SHQ1: variants seen among roughly 807,000 people sequenced by gnomAD.
SHQ1 encodes the protein protein SHQ1 homolog.
In SHQ1, 49 loss-of-function variants were observed where a neutral mutation model predicts 53.8. The ratio of observed to expected loss-of-function variants is 0.91; its 90% CI spans 0.72 to 1.16. The LOEUF (loss-of-function observed/expected upper bound fraction) is 1.16, where lower values mean the gene tolerates loss of function less well. Among genes scored for constraint, SHQ1 ranks in the 50% most tolerant of loss-of-function variants. The pLI, the probability that SHQ1 is intolerant of heterozygous loss-of-function variation, is 0.00. For missense variants in SHQ1, 738 were observed against 683.1 expected, an observed-to-expected ratio of 1.08 and a Z score of -0.90; for synonymous variants, 243 against 251.0, an observed-to-expected ratio of 0.97 and a Z score of 0.30.
intron 10 of SHQ1, chr3:72,773,403 C>A: frequency 2.2e-6 from 1 of 449,190 alleles, no homozygotes; most frequent in African/African-American, 2.1e-5. Flanking sequence ...CTCACAGTAG[C>A]AGTGGTGGTA....
chr3:72,753,246 G>A, intron 10 of SHQ1: 3 of 985,376 alleles, frequency 3.0e-6, no homozygotes, highest in Non-Finnish European at 3.6e-6. Context: ...AACATTGAGT[G>A]GCTTTGAGAC....
intron 6 of SHQ1, among the ~76,000 whole-genome samples, chr3:72,818,201 T>G (rs1707375658): frequency 6.6e-6 from 1 of 152,038 alleles, no homozygotes; most frequent in East Asian, 1.9e-4. Flanking sequence ...CAACAATACC[T>G]CTGGCAAATC....
intron 4 of SHQ1, among the ~76,000 whole-genome samples, chr3:72,840,239 T>A: frequency 1.0e-5 from 1 of 98,004 alleles, no homozygotes. Context: ...TGAGACTCTG[T>A]CTTAAAAAAA....
intron 9 of SHQ1, among the ~76,000 whole-genome samples, chr3:72,801,289 T>C (rs566987289): frequency 1.3e-5 from 2 of 152,296 alleles, no homozygotes; most frequent in Non-Finnish European, 2.9e-5. Context: ...ATTTTGTGGG[T>C]AAAATTTTTA....
chr3:72,745,715 T>C (rs146576744), downstream of SHQ1, among the ~76,000 whole-genome samples: 1,112 of 152,244 alleles, frequency 7.3e-3, 8 homozygotes, highest in African/African-American at 0.024. Flanking sequence ...GTTTAACACT[T>C]TCCAGTTTAT....
chr3:72,742,619 C>CTTTTTTTTTTTTTTTTTT, the SHQ1 span, among the ~76,000 whole-genome samples: 7 of 128,610 alleles, frequency 5.4e-5, no homozygotes, highest in African/African-American at 1.5e-4. Flanking sequence ...TTCTTTTTTT[C>CTTTTTTTTTTTTTTTTTT]TTTTTTTTTT....
chr3:72,778,006 A>C (rs1213520003), intron 10 of SHQ1, among the ~76,000 whole-genome samples: 3 of 152,228 alleles, frequency 2.0e-5, no homozygotes, highest in Non-Finnish European at 2.9e-5. Flanking sequence ...CAAAGCTAAA[A>C]ACTAAACTTG....
chr3:72,828,705 G>C (rs983387433), intron 5 of SHQ1, among the ~76,000 whole-genome samples: 7 of 152,024 alleles, frequency 4.6e-5, no homozygotes, highest in Non-Finnish European at 1.0e-4. Flanking sequence ...AAAAAAAAGA[G>C]AGAGAAAAGC....
chr3:72,824,590 T>C, intron 5 of SHQ1, 39 bp from the exon 6 acceptor site: 1 of 1,573,296 alleles, frequency 6.4e-7, no homozygotes, highest in Non-Finnish European at 8.6e-7. Flanking sequence ...ATACAGGATT[T>C]CACTGGCTTT....
At chr3:72,737,606 C>G in the SHQ1 span, among the ~76,000 whole-genome samples, 1 of 152,192 alleles carries the variant, frequency 6.6e-6, no homozygotes, top group Non-Finnish European at 1.5e-5. Context: ...TGCATATAAC[C>G]TATGTGCATC....
the SHQ1 span, among the ~76,000 whole-genome samples, chr3:72,728,880 C>G: frequency 1.3e-5 from 2 of 152,204 alleles, no homozygotes; most frequent in African/African-American, 4.8e-5. Context: ...GAAGCAGAAG[C>G]CTCTGAGGCT....
At chr3:72,760,221 TC>T (rs1253685234) in intron 10 of SHQ1, among the ~76,000 whole-genome samples, 2 of 152,154 alleles carry the variant, frequency 1.3e-5, no homozygotes, top group Non-Finnish European at 2.9e-5. Flanking sequence ...ATATCAATGA[TC>T]AACAGTAAGT....
intron 5 of SHQ1, among the ~76,000 whole-genome samples, chr3:72,828,236 T>A (rs1293069040): frequency 6.6e-6 from 1 of 151,820 alleles, no homozygotes; most frequent in Non-Finnish European, 1.5e-5. Flanking sequence ...CAAGACAAAC[T>A]GTAACAGGGG....
At chr3:72,842,188 T>G in intron 3 of SHQ1, 92 bp downstream of exon 3, 1 of 1,410,788 alleles carries the variant, frequency 7.1e-7, no homozygotes, top group South Asian at 1.3e-5. Flanking sequence ...TTCTTCAATT[T>G]CCTATTCACT....
At chr3:72,815,098 G>GC (rs1707269280) in intron 8 of SHQ1, among the ~76,000 whole-genome samples, 1 of 151,760 alleles carries the variant, frequency 6.6e-6, no homozygotes, top group Non-Finnish European at 1.5e-5. Flanking sequence ...CTCTCACTCT[G>GC]CCCCCACATT....
At chr3:72,843,572 C>T (rs560943515) in intron 2 of SHQ1, among the ~76,000 whole-genome samples, 40 of 152,296 alleles carry the variant, frequency 2.6e-4, no homozygotes, top group Admixed American at 9.2e-4. Context: ...CAAATATCTC[C>T]GCATACACAA....
chr3:72,769,866 G>A (rs1263654441), intron 10 of SHQ1, among the ~76,000 whole-genome samples: 2 of 152,166 alleles, frequency 1.3e-5, no homozygotes, highest in Non-Finnish European at 2.9e-5. Flanking sequence ...CAGCAAGGAG[G>A]TTAAGAGCTC....
intron 4 of SHQ1, among the ~76,000 whole-genome samples, chr3:72,835,276 G>A (rs1275420030): frequency 6.6e-6 from 1 of 152,022 alleles, no homozygotes; most frequent in Non-Finnish European, 1.5e-5. Flanking sequence ...ACTACAGGCT[G>A]TTGTGAGGAT....
intron 5 of SHQ1, among the ~76,000 whole-genome samples, chr3:72,828,755 C>G (rs1707741378): frequency 6.6e-6 from 1 of 152,008 alleles, no homozygotes; most frequent in Non-Finnish European, 1.5e-5. Context: ...TTCATTATTG[C>G]TGTGGTGTAA....
Sources: allele counts gnomAD v4.1 joint callset (sites outside exome capture counted in the v4.1 genomes callset), GRCh38; gene constraint gnomAD v4.1.1; transcripts MANE v1.5; gene names NCBI Gene and HGNC (gene_info 2026-07-23, HGNC 2026-07-21).